Variants in ANO4 observed in about 807,000 individuals in gnomAD.
ANO4 encodes anoctamin-4.
A neutral mutation model predicts 141.9 loss-of-function variants in ANO4; 69 were observed. That is an observed-to-expected ratio of 0.49 (90% CI 0.40 to 0.59). The LOEUF (loss-of-function observed/expected upper bound fraction) is 0.59, where lower values mean the gene tolerates loss of function less well. ANO4 is among the 20% of genes least tolerant of loss of function. The pLI, the probability that ANO4 is intolerant of heterozygous loss-of-function variation, is 0.00. For synonymous variants in ANO4, 350 were observed against 394.3 expected, an observed-to-expected ratio of 0.89 and a Z score of 1.33; for missense variants, 894 against 1,162.2, an observed-to-expected ratio of 0.77 and a Z score of 3.36.
At chr12:100,768,232 G>A (rs1166029621) in intron 3 of ANO4, among the ~76,000 whole-genome samples, 5 of 152,218 alleles carry the variant, frequency 3.3e-5, no homozygotes, top group Non-Finnish European at 7.3e-5. Flanking sequence ...TAGCCAAGTT[G>A]GGTGCCCACT....
chr12:100,979,856 T>C (rs2044370801), intron 7 of ANO4, among the ~76,000 whole-genome samples: 1 of 150,616 alleles, frequency 6.6e-6, no homozygotes, highest in African/African-American at 2.4e-5. Context: ...GCCTCCCGAG[T>C]AGCTGGGACT....
At chr12:101,106,421 C>G (rs2050442618) in intron 22 of ANO4, among the ~76,000 whole-genome samples, 1 of 151,170 alleles carries the variant, frequency 6.6e-6, no homozygotes, top group African/African-American at 2.4e-5. Flanking sequence ...CTATATAGAT[C>G]AAGATAATAT....
At chr12:100,733,648 A>C in intron 1 of ANO4, 1 of 570,136 alleles carries the variant, frequency 1.8e-6, no homozygotes, top group Non-Finnish European at 3.1e-6. Context: ...CCACTGAATG[A>C]GTATGAGACT....
intron 26 of ANO4, 43 bp downstream of exon 26, chr12:101,120,668 G>A (rs1019394351): frequency 5.0e-5 from 74 of 1,481,986 alleles, no homozygotes; most frequent in Non-Finnish European, 6.6e-5. Context: ...TTGACATAAT[G>A]AAGTCAGTAG....
intron 3 of ANO4, among the ~76,000 whole-genome samples, chr12:100,754,221 G>T (rs1368193268): frequency 3.3e-5 from 5 of 152,192 alleles, no homozygotes; most frequent in African/African-American, 1.2e-4. Context: ...TATGAACACA[G>T]TGTTCTCTTC....
At chr12:100,940,868 G>A (rs767274779) in intron 4 of ANO4, among the ~76,000 whole-genome samples, 1 of 152,138 alleles carries the variant, frequency 6.6e-6, no homozygotes, top group Non-Finnish European at 1.5e-5. Context: ...TGTACAGCAA[G>A]CCCGAAGAGC....
chr12:100,926,819 C>T (rs1429239435), intron 3 of ANO4, among the ~76,000 whole-genome samples: 4 of 151,852 alleles, frequency 2.6e-5, no homozygotes, highest in Admixed American at 2.6e-4. Flanking sequence ...GAAGAAATTG[C>T]AAGAGAGATG....
chr12:100,771,918 AT>A (rs1315424332), intron 3 of ANO4, among the ~76,000 whole-genome samples: 1 of 152,222 alleles, frequency 6.6e-6, no homozygotes, highest in African/African-American at 2.4e-5. Context: ...GGAGGGCAGC[AT>A]TCCCTGTGAG....
chr12:100,884,881 G>A (rs2039753724), intron 1 of ANO4, among the ~76,000 whole-genome samples: 1 of 152,178 alleles, frequency 6.6e-6, no homozygotes, highest in South Asian at 2.1e-4. Context: ...TTGTAGTAGA[G>A]GTGGGGTTTC....
chr12:100,971,327 A>G lies in ANO4; in HGVS notation c.478A>G (p.Ile160Val), dbSNP rs759710886. 4.3e-6 allele frequency: 7 copies of G among 1,610,754 alleles called. No individual in the cohort carries two copies. The Admixed American group carries it at 1.2e-4, about 27-fold the overall frequency. The change falls in exon 6 of 28, where the codon ATT (isoleucine) becomes GTT (valine). Residue 160 changes from isoleucine (I) to valine (V), a missense_variant. Physicochemically the swap from Ile to Val is conservative, Grantham distance 29. This residue lies in a region of ANO4 where 257 missense variants were observed against 253.0 expected (regional missense o/e 1.02). Coordinates refer to ENST00000392977, the MANE Select transcript of ANO4 (RefSeq NM_001286615.2). ...TCAGTCCTCTCTAATAAATAGTGAC[A>G]TTATCTTTGTGAAGTTGCATGCCCC... ...EKESSLINSDIIFVKLHAPWE... is the reference protein window; with the variant it reads ...EKESSLINSDVIFVKLHAPWE...
At chr12:101,039,432 G>T (rs1488013412) in intron 10 of ANO4, among the ~76,000 whole-genome samples, 1 of 152,170 alleles carries the variant, frequency 6.6e-6, no homozygotes, top group African/African-American at 2.4e-5. Context: ...TTGAGCCTGG[G>T]AGTCGGAGGT....
intron 7 of ANO4, among the ~76,000 whole-genome samples, chr12:100,980,837 C>T (rs892859288): frequency 2.0e-5 from 3 of 152,040 alleles, no homozygotes; most frequent in African/African-American, 4.8e-5. Flanking sequence ...AGGCTTATAG[C>T]CATTATAAAT....
At chr12:100,798,557 T>G (rs76759643) in intron 1 of ANO4, among the ~76,000 whole-genome samples, 5,168 of 152,252 alleles carry the variant, frequency 0.034, 158 homozygotes, top group Non-Finnish European at 0.048. Flanking sequence ...TTTAGGACTG[T>G]CTTTACTAGA....
chr12:100,876,215 A>G (rs1395547710), intron 1 of ANO4, among the ~76,000 whole-genome samples: 1 of 150,886 alleles, frequency 6.6e-6, no homozygotes. Flanking sequence ...GGGGTTCTGA[A>G]GGCAAGGAAA....
chr12:101,093,415 T>A (rs1429408106), intron 17 of ANO4, among the ~76,000 whole-genome samples: 1 of 152,202 alleles, frequency 6.6e-6, no homozygotes, highest in African/African-American at 2.4e-5. Context: ...AATTCCAGCC[T>A]GGGCAATTTT....
intron 9 of ANO4, among the ~76,000 whole-genome samples, chr12:101,029,680 G>A (rs1032644059): frequency 1.3e-5 from 2 of 152,038 alleles, no homozygotes; most frequent in African/African-American, 4.8e-5. Context: ...GGGAGGATGA[G>A]GTGGGTGGAT....
At chr12:100,782,337 C>T (rs912664546) in intron 3 of ANO4, among the ~76,000 whole-genome samples, 4 of 152,176 alleles carry the variant, frequency 2.6e-5, no homozygotes, top group Admixed American at 6.5e-5. Context: ...TCTCTCCTTA[C>T]GTTTTACTTC....
In ANO4 at chr12:100,971,353, A is replaced by T. The variant is rs761107211; in HGVS notation, c.504A>T (p.Pro168=). ...SDIIFVKLHA[P]WEVLGRYAEQ... ...TTATCTTTGTGAAGTTGCATGCCCC[A>T]TGGGAAGTCCTTGGAAGATATGCAG... The change falls in exon 6 of 28, where the codon CCA becomes CCT. Residue 168 remains proline (P), a synonymous_variant. Coordinates refer to ENST00000392977, the MANE Select transcript of ANO4 (RefSeq NM_001286615.2). The T allele has an allele frequency of 1.2e-6, 2 of 1,612,372 alleles. No individual in the cohort carries two copies. Among genetic ancestry groups the T allele is most frequent in the African/African-American group, 1.3e-5 (1 of 74,914 alleles).
chr12:101,046,192 C>T (rs2136647390), intron 13 of ANO4, among the ~76,000 whole-genome samples: 1 of 152,352 alleles, frequency 6.6e-6, no homozygotes, highest in African/African-American at 2.4e-5. Flanking sequence ...GGCACTTTCC[C>T]TTGATTGTAA....
Sources: gnomAD v4.1 joint callset for allele counts (sites outside exome capture counted in the v4.1 genomes callset) on GRCh38, gnomAD v4.1.1 for gene constraint, gnomAD v4.1.1 regional missense constraint, MANE v1.5 for transcripts, NCBI Gene and HGNC (gene_info 2026-07-23, HGNC 2026-07-21) for gene names.